Variants in PDS5A observed in about 807,000 individuals in gnomAD.
PDS5A encodes the protein sister chromatid cohesion protein PDS5 homolog A.
PDS5A carries 42 observed loss-of-function variants against 167.1 expected under a neutral mutation model. The observed-to-expected ratio is 0.25, with a 90% confidence interval of 0.20 to 0.33. PDS5A has a LOEUF of 0.33. PDS5A is among the 10% of genes least tolerant of loss of function. The pLI is 1.00. For synonymous variants in PDS5A, 553 were observed against 554.6 expected (o/e 1.00, Z 0.04); for missense variants, 1,033 against 1,605.9 (o/e 0.64, Z 6.10).
intron 31 of PDS5A, among the ~76,000 whole-genome samples, chr4:39,839,922 C>A (rs867290543): frequency 6.6e-6 from 1 of 151,532 alleles, no homozygotes. Context: ...GGTGAAACCC[C>A]GTCTCTACTA....
At chr4:39,842,938 T>TATATATATATATATATATATATA (rs1349599395) in intron 30 of PDS5A, among the ~76,000 whole-genome samples, 199 of 132,894 alleles carry the variant, frequency 1.5e-3, no homozygotes, top group African/African-American at 2.6e-3. Flanking sequence ...TATATATATA[T>TATATATATATATATATATATATA]TTTAAGAGAC....
At chr4:39,971,187 C>T (rs925024004) in intron 2 of PDS5A, among the ~76,000 whole-genome samples, 10 of 150,268 alleles carry the variant, frequency 6.7e-5, no homozygotes, top group African/African-American at 1.3e-4. Context: ...GAGACAGAGT[C>T]GCGCTTTGTC....
At chr4:39,842,909 TTATATATATATATATA>T (rs71194933) in intron 30 of PDS5A, among the ~76,000 whole-genome samples, 4 of 92,302 alleles carry the variant, frequency 4.3e-5, no homozygotes, top group Non-Finnish European at 7.8e-5. Flanking sequence ...TATCCTATTT[TTATATATATATATATA>T]TATATATATA....
chr4:39,841,323 G>A (rs747357845), intron 31 of PDS5A, among the ~76,000 whole-genome samples: 1 of 151,548 alleles, frequency 6.6e-6, no homozygotes, highest in Non-Finnish European at 1.5e-5. Context: ...TACTTTTATA[G>A]AGACGGGGTT....
intron 16 of PDS5A, among the ~76,000 whole-genome samples, chr4:39,896,732 C>A (rs1009401070): frequency 6.6e-6 from 1 of 151,092 alleles, no homozygotes; most frequent in Non-Finnish European, 1.5e-5. Flanking sequence ...CATCACTGAA[C>A]TCCAGTCTGG....
chr4:39,839,244 CAGA>C (rs1716723094), intron 31 of PDS5A, among the ~76,000 whole-genome samples: 2 of 151,912 alleles, frequency 1.3e-5, no homozygotes, highest in South Asian at 4.1e-4. Flanking sequence ...AAACACCAAG[CAGA>C]AAGAGTTTAG....
chr4:39,970,411 C>A (rs1730390802), intron 2 of PDS5A, among the ~76,000 whole-genome samples: 1 of 149,000 alleles, frequency 6.7e-6, no homozygotes, highest in Admixed American at 6.7e-5. Flanking sequence ...AACGAAGCTT[C>A]AAAGCTTCAC....
intron 2 of PDS5A, among the ~76,000 whole-genome samples, chr4:39,931,432 TG>T (rs1726055362): frequency 6.6e-6 from 1 of 152,192 alleles, no homozygotes; most frequent in Admixed American, 6.5e-5. Context: ...CTAAGTCGTG[TG>T]GGCCTGGAAT....
chr4:39,907,320 A>G (rs557436945), intron 11 of PDS5A, among the ~76,000 whole-genome samples: 3 of 152,172 alleles, frequency 2.0e-5, no homozygotes, highest in Non-Finnish European at 4.4e-5. Flanking sequence ...TAAAAGTAAA[A>G]ACTTAAAGAA....
chr4:39,837,995 G>C lies in PDS5A; in HGVS notation c.3871C>G (p.Pro1291Ala). ...NATKNDDLNK[P>A]INKGRKRAAV... ...GCTCTCTTCCTTCCCTTGTTAATAG[G>C]TTTATTTAGATCATCATTTTTGGTA... The change falls in exon 32 of 33, where the codon CCT becomes GCT. Residue 1291 changes from proline to alanine, a missense_variant. Physicochemically the swap from Pro to Ala is conservative, Grantham distance 27. Transcript: ENST00000303538. 1.9e-6 allele frequency: 3 copies of C among 1,613,966 alleles called. No individual in the cohort carries two copies. The highest frequency in any genetic ancestry group is 2.5e-6 in the Non-Finnish European group (3 of 1,179,876).
At chr4:39,972,146 A>G (rs935841981) in intron 2 of PDS5A, among the ~76,000 whole-genome samples, 1 of 152,224 alleles carries the variant, frequency 6.6e-6, no homozygotes, top group Non-Finnish European at 1.5e-5. Context: ...TATAGTTAAC[A>G]GTACTTCTGA....
Position 39,879,789 on chromosome 4 carries a change from T to A in PDS5A, c.1931A>T (p.Asp644Val). ...LMNKSIEGTA[D>V]DEEEGVSPDT... ...TGGACTTACACCCTCCTCTTCATCATCTGCTGTCCCCTCTATTGACTTATT... is the reference window on the plus strand; with the variant it reads ...TGGACTTACACCCTCCTCTTCATCAACTGCTGTCCCCTCTATTGACTTATT... Residue 644 changes from aspartate to valine, a missense_variant, in exon 18 of 33, where the codon GAT becomes GTT. By Grantham distance (152) the Asp-to-Val change is radical (BLOSUM62 -3). Transcript: ENST00000303538. 6.2e-7 allele frequency: 1 copy of A among 1,612,182 alleles called. No individual in the cohort carries two copies. Among genetic ancestry groups the A allele is most frequent in the Non-Finnish European group, 8.5e-7 (1 of 1,178,340 alleles).
chr4:39,904,267 A>C, intron 11 of PDS5A, 76 bp from the exon 12 acceptor site: 1 of 1,008,714 alleles, frequency 9.9e-7, no homozygotes, highest in Non-Finnish European at 1.5e-6. Context: ...CCTTGGCTTC[A>C]TTAGGTTGTA....
chr4:39,943,650 T>C (rs1029323504), intron 2 of PDS5A, among the ~76,000 whole-genome samples: 2 of 137,458 alleles, frequency 1.5e-5, no homozygotes, highest in African/African-American at 5.5e-5. Flanking sequence ...ATACAAAAAA[T>C]ACAAAAATTA....
chr4:39,912,749 A>G (rs1724002210), intron 9 of PDS5A, among the ~76,000 whole-genome samples: 1 of 152,232 alleles, frequency 6.6e-6, no homozygotes, highest in Non-Finnish European at 1.5e-5. Context: ...GCAAGGAGAA[A>G]TTTAATGAAT....
chr4:39,972,473 T>C (rs1410487530), intron 2 of PDS5A, among the ~76,000 whole-genome samples: 2 of 152,044 alleles, frequency 1.3e-5, no homozygotes, highest in South Asian at 2.1e-4. Context: ...TGAGCCAAGA[T>C]TGCACCACTG....
intron 29 of PDS5A, 71 bp downstream of exon 29, chr4:39,845,747 G>A: frequency 1.5e-6 from 2 of 1,327,006 alleles, no homozygotes; most frequent in Non-Finnish European, 2.0e-6. Context: ...GTCATTTAAA[G>A]GTATTTCTAG....
At chr4:39,893,931 G>A (rs1262185884) in intron 16 of PDS5A, among the ~76,000 whole-genome samples, 2 of 152,192 alleles carry the variant, frequency 1.3e-5, no homozygotes, top group East Asian at 1.9e-4. Context: ...TGTGGCTGTT[G>A]CAGTCACAGT....
chr4:39,942,270 A>G (rs908720269), intron 2 of PDS5A, among the ~76,000 whole-genome samples: 2 of 152,186 alleles, frequency 1.3e-5, no homozygotes, highest in African/African-American at 4.8e-5. Flanking sequence ...TTAATTCATT[A>G]TCTTCCAAAA....
Sources: allele counts gnomAD v4.1 joint callset (sites outside exome capture counted in the v4.1 genomes callset), GRCh38; gene constraint gnomAD v4.1.1; transcripts MANE v1.5; gene names NCBI Gene and HGNC (gene_info 2026-07-23, HGNC 2026-07-21).